Variants in ATP5F1E observed in about 807,000 individuals in gnomAD.
ATP5F1E encodes ATP synthase F(1) complex subunit epsilon, mitochondrial.
Under a neutral mutation model 7.0 loss-of-function variants are expected in ATP5F1E, and 5 were observed. That is an observed-to-expected ratio of 0.71 (90% CI 0.37 to 1.49). The LOEUF is 1.49. ATP5F1E is among the 40% of genes most tolerant of loss of function. ATP5F1E has a pLI of 0.03. For missense variants in ATP5F1E, 59 were observed against 57.1 expected, an observed-to-expected ratio of 1.03 and a Z score of -0.11; for synonymous variants, 20 against 20.1, an observed-to-expected ratio of 0.99 and a Z score of 0.02.
At chr20:59,032,140 T>G in intron 1 of ATP5F1E, 80 bp downstream of exon 1, 1 of 1,535,952 alleles carries the variant, frequency 6.5e-7, no homozygotes, top group Middle Eastern at 2.2e-4. Context: ...GCCGCTGCTC[T>G]GTGTCCTGCA....
Position 59,027,699 on chromosome 20 carries a change from A to G in ATP5F1E, c.*1146T>C, listed in dbSNP as rs2092001746. ...AGGCGGAGGACTCCAAGGGCTCCTA[A>G]CCTGCTGTTTTCCAGAGGCACCCTC... On this transcript the variant is annotated 3_prime_UTR_variant, in exon 3 of 3. Transcript: ENST00000243997. The G allele has an allele frequency of 6.6e-6, 1 of 152,180 alleles. No homozygotes were observed. The highest frequency in any genetic ancestry group is 1.5e-5 in the Non-Finnish European group (1 of 68,058). The allele number at this position is 152,180 out of a possible 1,614,324, so 9.4% of individuals were successfully genotyped here.
intron 1 of ATP5F1E, among the ~76,000 whole-genome samples, chr20:59,031,070 T>C (rs1356010613): frequency 6.6e-6 from 1 of 152,230 alleles, no homozygotes; most frequent in Admixed American, 6.5e-5. Context: ...ATCAACACTG[T>C]AGTTTCCAAA....
chr20:59,027,415 C>G lies in ATP5F1E; in HGVS notation c.*1430G>C, dbSNP rs933773318. ...AATAATCTACCAATATACTAGCAAT[C>G]TACTATGCCATCTATATACCAATAA... is the stretch of plus-strand genomic sequence containing the variant. On this transcript the variant is annotated 3_prime_UTR_variant, in exon 3 of 3. Transcript: ENST00000243997. The G allele has an allele frequency of 6.6e-6, 1 of 152,182 alleles. No homozygotes were observed. Among genetic ancestry groups the G allele is most frequent in the African/African-American group, 2.4e-5 (1 of 41,438 alleles). The allele number at this position is 152,182 out of a possible 1,614,324, so 9.4% of individuals were successfully genotyped here. A position where few individuals can be genotyped will look rare whatever the true frequency, so the allele number is the denominator to read the frequency against.
At position 59,028,182 on chromosome 20, in the gene ATP5F1E, C is replaced by T. The variant is rs562213071; in HGVS notation, c.*663G>A. ...CTCCTAGGTTTTAATTTCAGTTTGG[C>T]CATCAACTCAATGAGCAAGTTATTC... is the stretch of plus-strand genomic sequence containing the variant. On this transcript the variant is annotated 3_prime_UTR_variant, in exon 3 of 3. Coordinates refer to ENST00000243997, the MANE Select transcript of ATP5F1E (RefSeq NM_006886.4). 5 of 152,148 alleles carry T rather than the reference C, an allele frequency of 3.3e-5. No homozygotes were observed. The highest frequency in any genetic ancestry group is 5.9e-5 in the Non-Finnish European group (4 of 68,038). The allele number at this position is 152,148 out of a possible 1,614,324, so 9.4% of individuals were successfully genotyped here.
Position 59,027,916 on chromosome 20 carries a change from C to A in ATP5F1E, c.*929G>T, listed in dbSNP as rs1373541764. Reference sequence around the variant, plus strand: ...GCTTAAGTACCATGTGAGAACTGATCCTAGAATGGTGTTTCAAAATTTCCA... The same window carrying A: ...GCTTAAGTACCATGTGAGAACTGATACTAGAATGGTGTTTCAAAATTTCCA... On this transcript the variant is annotated 3_prime_UTR_variant, in exon 3 of 3. Transcript: ENST00000243997. The A allele has an allele frequency of 6.6e-6, 1 of 152,196 alleles. No homozygotes were observed. Among genetic ancestry groups the A allele is most frequent in the Admixed American group, 6.5e-5 (1 of 15,282 alleles). 9.4% of individuals were successfully genotyped at this position (152,196 alleles called of 1,614,324 possible).
Position 59,030,158 on chromosome 20 carries a change from G to T in ATP5F1E, c.*3+145C>A, listed in dbSNP as rs1194452026. The T allele has an allele frequency of 8.3e-6, 9 of 1,087,744 alleles. No individual in the cohort carries two copies. The Admixed American group carries it at 1.3e-4, about 16-fold the overall frequency. 67.4% of individuals were successfully genotyped at this position (1,087,744 alleles called of 1,614,324 possible). A position where few individuals can be genotyped will look rare whatever the true frequency, so the allele number is the denominator to read the frequency against. On this transcript the variant is annotated intron_variant, in intron 2 of 2. Transcript: ENST00000243997. ...GCCAGGGGACTTCTATAACCTGCAT[G>T]CTTTAAATTATACCATCCCAATAAC...
In ATP5F1E at chr20:59,032,278, G is replaced by A. The variant is rs772313287; in HGVS notation, c.-27C>T. The stretch of plus-strand genomic sequence containing the variant: ...CTGTAGCGAAAGCGGAGCTCGTCGG[G>A]CCGAATCGCCAAGACGCCGGCAATG... On this transcript the variant is annotated 5_prime_UTR_variant, in exon 1 of 3. Coordinates refer to ENST00000243997, the MANE Select transcript of ATP5F1E (RefSeq NM_006886.4). 98 of 1,595,952 alleles carry A rather than the reference G, an allele frequency of 6.1e-5. No individual in the cohort carries two copies. The highest frequency in any genetic ancestry group is 3.5e-5 in the Admixed American group (2 of 57,492).
chr20:59,030,009 G>A (rs1260175809), intron 2 of ATP5F1E: 2 of 354,842 alleles, frequency 5.6e-6, no homozygotes, highest in Non-Finnish European at 1.1e-5. Flanking sequence ...GATTTGTGCA[G>A]ACAAATGAAA....
Position 59,026,387 on chromosome 20 carries a change from A to G in ATP5F1E, c.*2458T>C, listed in dbSNP as rs753066762. 3.9e-5 allele frequency: 6 copies of G among 152,226 alleles called. No homozygotes were observed. The highest frequency in any genetic ancestry group is 1.5e-5 in the Non-Finnish European group (1 of 68,038). The allele number at this position is 152,226 out of a possible 1,614,324, so 9.4% of individuals were successfully genotyped here. On this transcript the variant is annotated 3_prime_UTR_variant, in exon 3 of 3. Coordinates refer to ENST00000243997, the MANE Select transcript of ATP5F1E (RefSeq NM_006886.4). ...CCTATATACTTAGTTTGAAGTTAGT[A>G]ACTTCCTGAGATGCTAAAGACTTAC...
At position 59,028,106 on chromosome 20, in the gene ATP5F1E, A is replaced by G. The variant is rs2092003950; in HGVS notation, c.*739T>C. ...AATGAATGAATGAATCACTATGGAA[A>G]TACCACGAAACTGCTGTTGTGGTCA... On this transcript the variant is annotated 3_prime_UTR_variant, in exon 3 of 3. Coordinates refer to ENST00000243997, the MANE Select transcript of ATP5F1E (RefSeq NM_006886.4). The G allele has an allele frequency of 1.3e-5, 2 of 152,242 alleles. No individual in the cohort carries two copies. Among genetic ancestry groups the G allele is most frequent in the Admixed American group, 1.3e-4 (2 of 15,290 alleles). 9.4% of individuals were successfully genotyped at this position (152,242 alleles called of 1,614,324 possible). A position where few individuals can be genotyped will look rare whatever the true frequency, so the allele number is the denominator to read the frequency against.
At position 59,025,882 on chromosome 20, in the gene ATP5F1E, C is replaced by A. The variant is rs1247231424; in HGVS notation, c.*2963G>T. 6.6e-6 allele frequency: 1 copy of A among 152,184 alleles called. No homozygotes were observed. The highest frequency in any genetic ancestry group is 1.5e-5 in the Non-Finnish European group (1 of 68,030). The allele number at this position is 152,184 out of a possible 1,614,324, so 9.4% of individuals were successfully genotyped here. ...TTAATCTGCTCACATTATAACAGGA[C>A]CAAATACACAAGAGCGTAATCAAAT... On this transcript the variant is annotated 3_prime_UTR_variant, in exon 3 of 3. Coordinates refer to ENST00000243997, the MANE Select transcript of ATP5F1E (RefSeq NM_006886.4).
chr20:59,030,436 G>C lies in ATP5F1E; in HGVS notation c.33-7C>G, dbSNP rs1568693282. The stretch of plus-strand genomic sequence containing the variant: ...CTGGGAGTATCGGATGTAGCTGGGA[G>C]AAAATGAGAGAAGGTATATGGTTAA... On this transcript the variant is annotated splice_polypyrimidine_tract_variant and splice_region_variant and intron_variant, in intron 1 of 2. Coordinates refer to ENST00000243997, the MANE Select transcript of ATP5F1E (RefSeq NM_006886.4). 2 of 1,613,464 alleles carry C rather than the reference G, an allele frequency of 1.2e-6. No homozygotes were observed. The highest frequency in any genetic ancestry group is 1.1e-5 in the South Asian group (1 of 91,072).
chr20:59,030,099 T>C (rs978636640), intron 2 of ATP5F1E: 3 of 476,146 alleles, frequency 6.3e-6, no homozygotes, highest in Non-Finnish European at 1.1e-5. Context: ...TTACTTCTGC[T>C]TGTCAGGGCC....
Position 59,032,215 on chromosome 20 carries a change from C to A in ATP5F1E, c.32+5G>T, listed in dbSNP as rs924704351. The A allele has an allele frequency of 3.2e-6, 5 of 1,580,640 alleles. No individual in the cohort carries two copies. The African/African-American group carries it at 5.4e-5, about 17-fold the overall frequency. On this transcript the variant is annotated splice_donor_5th_base_variant and intron_variant, in intron 1 of 2. Coordinates refer to ENST00000243997, the MANE Select transcript of ATP5F1E (RefSeq NM_006886.4). Reference sequence around the variant, plus strand: ...AAGCCCTTCCCTCTGGAGGCCTGGGCCTACCTGAGTCCAGCCTGTCTCCAG... The same window carrying A: ...AAGCCCTTCCCTCTGGAGGCCTGGGACTACCTGAGTCCAGCCTGTCTCCAG...
chr20:59,029,798 T>G (rs998902170), intron 2 of ATP5F1E: 1 of 176,426 alleles, frequency 5.7e-6, no homozygotes, highest in East Asian at 1.6e-4. Context: ...TGCGGGGTCT[T>G]GCAGATTTTA....
intron 2 of ATP5F1E, 196 bp downstream of exon 2, chr20:59,030,107 G>A (rs2092016337): frequency 2.0e-6 from 1 of 512,536 alleles, no homozygotes; most frequent in Non-Finnish European, 3.3e-6. Flanking sequence ...GCTTGTCAGG[G>A]CCCAAGAAGA....
At position 59,032,330 on chromosome 20, in the gene ATP5F1E, A is replaced by C. The variant is rs1434576965; in HGVS notation, c.-79T>G. The C allele has an allele frequency of 6.5e-7, 1 of 1,543,610 alleles. No homozygotes were observed. Among genetic ancestry groups the C allele is most frequent in the African/African-American group, 1.4e-5 (1 of 73,486 alleles). ...CGGCTCAGCCGGGCGGTTCAGCCGCAGGAAGATCAGACCACAGAAGCGGAA... is the reference window on the plus strand; with the variant it reads ...CGGCTCAGCCGGGCGGTTCAGCCGCCGGAAGATCAGACCACAGAAGCGGAA... On this transcript the variant is annotated 5_prime_UTR_variant, in exon 1 of 3. Transcript: ENST00000243997.
chr20:59,029,897 G>A, intron 2 of ATP5F1E: 1 of 259,568 alleles, frequency 3.9e-6, no homozygotes, highest in Non-Finnish European at 7.6e-6. Flanking sequence ...GTGGTTGTGG[G>A]GGAAATAAAA....
intron 2 of ATP5F1E, chr20:59,029,802 G>C (rs1249072997): frequency 5.7e-6 from 1 of 175,968 alleles, no homozygotes; most frequent in Non-Finnish European, 1.2e-5. Context: ...GGGTCTTGCA[G>C]ATTTTATTGC....
Sources: allele counts gnomAD v4.1 joint callset (sites outside exome capture counted in the v4.1 genomes callset), GRCh38; gene constraint gnomAD v4.1.1; transcripts MANE v1.5; gene names NCBI Gene and HGNC (gene_info 2026-07-23, HGNC 2026-07-21).